NAMPT: variants seen among roughly 807,000 people sequenced by gnomAD.
NAMPT encodes the protein NAmPRTase.
A neutral mutation model predicts 58.7 loss-of-function variants in NAMPT; 7 were observed. The observed-to-expected ratio is 0.12, with a 90% CI of 0.07 to 0.22. NAMPT has a LOEUF of 0.22. NAMPT is among the 10% of genes least tolerant of loss of function. The pLI, the probability that NAMPT is intolerant of heterozygous loss-of-function variation, is 1.00. For synonymous variants in NAMPT, 145 were observed against 198.1 expected (o/e 0.73, Z 2.25); for missense variants, 271 against 567.9 (o/e 0.48, Z 5.31).
At chr7:106,261,533 A>T in intron 8 of NAMPT, 55 bp downstream of exon 8, 1 of 1,362,044 alleles carries the variant, frequency 7.3e-7, no homozygotes, top group Non-Finnish European at 1.0e-6. Context: ...ATCAAACATA[A>T]ACAAACTTAA....
intron 6 of NAMPT, among the ~76,000 whole-genome samples, chr7:106,266,327 A>G (rs920605113): frequency 8.5e-5 from 13 of 152,350 alleles, no homozygotes; most frequent in East Asian, 5.8e-4. Context: ...CCTAAAGAAG[A>G]TATTATCCTT....
At chr7:106,256,253 G>A (rs980327243) in intron 8 of NAMPT, among the ~76,000 whole-genome samples, 5 of 152,172 alleles carry the variant, frequency 3.3e-5, no homozygotes, top group African/African-American at 1.2e-4. Context: ...CAACACAAAA[G>A]ATATTTTTAT....
At chr7:106,276,843 C>CAAAA in intron 2 of NAMPT, 180 bp downstream of exon 2, 2 of 419,444 alleles carry the variant, frequency 4.8e-6, no homozygotes, top group Non-Finnish European at 4.1e-6. Flanking sequence ...ACTCGGTTTC[C>CAAAA]AAAAAAAAAA....
At chr7:106,270,319 A>C (rs1023723629) in intron 4 of NAMPT, 2 of 413,002 alleles carry the variant, frequency 4.8e-6, no homozygotes, top group African/African-American at 4.2e-5. Context: ...TGCTAAGATG[A>C]TGCAATGTCT....
chr7:106,285,031 G>A (rs1442669761), upstream of NAMPT: 17 of 1,398,202 alleles, frequency 1.2e-5, no homozygotes, highest in African/African-American at 1.4e-5. Flanking sequence ...GAGAGGGGAG[G>A]GGTCAGAGGA....
rs564159568 is a variant in NAMPT, at chr7:106,251,870, C to T, written c.1366-677G>A. 2.0e-5 allele frequency among the ~76,000 whole-genome samples: 3 copies of T among 152,188 alleles called. No individual in the cohort carries two copies. In the South Asian group the frequency reaches 6.2e-4, roughly 32 times the overall value. ...TCCCTTTGGGTCTGGTAGAGCCACT[C>T]CTGTCTCACTAAGGAGTTACCTGCT... On this transcript the variant is annotated intron_variant, in intron 10 of 10. Transcript: ENST00000222553.
At chr7:106,265,911 G>A (rs1331076591) in intron 6 of NAMPT, among the ~76,000 whole-genome samples, 1 of 152,164 alleles carries the variant, frequency 6.6e-6, no homozygotes, top group African/African-American at 2.4e-5. Flanking sequence ...CATCTATTAA[G>A]ATACATACAA....
Position 106,276,633 on chromosome 7 carries a change from G to A in NAMPT, c.214+390C>T, listed in dbSNP as rs372192017. On this transcript the variant is annotated intron_variant, in intron 2 of 10. Transcript: ENST00000222553. The stretch of plus-strand genomic sequence containing the variant: ...CGAGACAGGTGGATCACCTGAGGTC[G>A]AGAGTTCAAGACCAGCCTGACCAAC... 5.2e-5 allele frequency: 9 copies of A among 173,120 alleles called. No homozygotes were observed. In the South Asian group the frequency reaches 6.9e-4, roughly 13 times the overall value. 10.7% of individuals were successfully genotyped at this position (173,120 alleles called of 1,614,324 possible).
chr7:106,285,242 C>A, upstream of NAMPT: 3 of 934,608 alleles, frequency 3.2e-6, no homozygotes, highest in Non-Finnish European at 4.0e-6. Flanking sequence ...GTGATGCACG[C>A]GCTCTTCCTC....
Position 106,284,913 on chromosome 7 carries a change from C to G in NAMPT, c.-29G>C, listed in dbSNP as rs1234040241. On this transcript the variant is annotated 5_prime_UTR_variant, in exon 1 of 11. Coordinates refer to ENST00000222553, the MANE Select transcript of NAMPT (RefSeq NM_005746.3). Reference sequence around the variant, plus strand: ...GGGCCGGAGGACAGGGGCCGCGCGCCGCGAGCTCCCTGGCGCGGCTGCGAG... The same window carrying G: ...GGGCCGGAGGACAGGGGCCGCGCGCGGCGAGCTCCCTGGCGCGGCTGCGAG... 5 of 1,572,332 alleles carry G rather than the reference C, an allele frequency of 3.2e-6. No individual in the cohort carries two copies. In the African/African-American group the frequency reaches 6.8e-5, roughly 21 times the overall value.
intron 2 of NAMPT, 27 bp from the exon 3 acceptor site, chr7:106,275,076 C>T (rs1792606343): frequency 7.0e-7 from 1 of 1,430,118 alleles, no homozygotes; most frequent in Non-Finnish European, 9.8e-7. Context: ...GTCCTGTTTA[C>T]ATTTCTAAAG....
chr7:106,255,062 T>A (rs1439331347), intron 8 of NAMPT, among the ~76,000 whole-genome samples: 1 of 152,226 alleles, frequency 6.6e-6, no homozygotes. Flanking sequence ...TTCTGGCTGA[T>A]ATACCAGTGC....
chr7:106,255,437 C>T (rs1792183412), intron 8 of NAMPT, among the ~76,000 whole-genome samples: 1 of 152,160 alleles, frequency 6.6e-6, no homozygotes, highest in Non-Finnish European at 1.5e-5. Context: ...GTGTAACAGC[C>T]TTATGTGTAT....
In NAMPT at chr7:106,261,918, A is replaced by G. The variant is rs10257880; in HGVS notation, c.970-211T>C. 2.1e-3 allele frequency among the ~76,000 whole-genome samples: 320 copies of G among 152,246 alleles called. 1 individual carries two copies. The highest frequency in any genetic ancestry group is 7.3e-3 in the African/African-American group (303 of 41,570). ...ATTAAAAACAAGCATGTTATTTCCT[A>G]TGAAGTGAATTCACATCATAAAGTG... On this transcript the variant is annotated intron_variant, in intron 7 of 10. Transcript: ENST00000222553.
chr7:106,254,816 G>C (rs966074672), intron 8 of NAMPT, among the ~76,000 whole-genome samples: 1 of 152,116 alleles, frequency 6.6e-6, no homozygotes, highest in African/African-American at 2.4e-5. Flanking sequence ...AAGATTACTT[G>C]AGTCAACTTC....
chr7:106,272,714 C>A, intron 3 of NAMPT, 56 bp from the exon 4 acceptor site: 15 of 1,586,226 alleles, frequency 9.5e-6, no homozygotes, highest in Non-Finnish European at 1.2e-5. Context: ...CAATTCCCTG[C>A]TGTTTTACTA....
At chr7:106,281,022 A>G (rs963603368) in intron 1 of NAMPT, among the ~76,000 whole-genome samples, 7 of 150,682 alleles carry the variant, frequency 4.6e-5, no homozygotes, top group African/African-American at 1.5e-4. Flanking sequence ...AATTTACTTC[A>G]TGAAAGGATA....
At chr7:106,277,483 G>C (rs544151245) in intron 1 of NAMPT, among the ~76,000 whole-genome samples, 1 of 152,202 alleles carries the variant, frequency 6.6e-6, no homozygotes, top group Non-Finnish European at 1.5e-5. Context: ...CAGGCGAAGA[G>C]AGAGAGAAGC....
intron 7 of NAMPT, 132 bp from the exon 8 acceptor site, chr7:106,261,839 CTA>C (rs1286993930): frequency 6.7e-6 from 6 of 896,114 alleles, no homozygotes; most frequent in Non-Finnish European, 1.0e-5. Flanking sequence ...TTTTATAACA[CTA>C]TGTATATGCT....
Sources: gnomAD v4.1 joint callset for allele counts (sites outside exome capture counted in the v4.1 genomes callset) on GRCh38, gnomAD v4.1.1 for gene constraint, MANE v1.5 for transcripts, NCBI Gene and HGNC (gene_info 2026-07-23, HGNC 2026-07-21) for gene names.